The following ESR1 variants were observed in gnomAD, a reference collection of about 807,000 sequenced individuals.
The protein encoded by ESR1 is estrogen receptor.
Under a neutral mutation model 52.7 loss-of-function variants are expected in ESR1, and 12 were observed. The observed-to-expected ratio is 0.23, with a 90% confidence interval of 0.15 to 0.37. The LOEUF (loss-of-function observed/expected upper bound fraction) is 0.37. Among genes scored for constraint, ESR1 ranks in the 10% least tolerant of loss-of-function variants. The pLI, the probability that ESR1 is intolerant of heterozygous loss-of-function variation, is 1.00. For missense variants in ESR1, 584 were observed against 779.7 expected (o/e 0.75, Z 2.99); for synonymous variants, 305 against 316.8 (o/e 0.96, Z 0.39).
intron 2 of ESR1, among the ~76,000 whole-genome samples, chr6:151,792,424 T>A (rs1776256620): frequency 6.6e-6 from 1 of 152,170 alleles, no homozygotes; most frequent in Non-Finnish European, 1.5e-5. Flanking sequence ...TACTGTATTT[T>A]TTTTTTTACT....
chr6:151,775,971 A>G (rs1206526656), intron 2 of ESR1, among the ~76,000 whole-genome samples: 1 of 152,220 alleles, frequency 6.6e-6, no homozygotes, highest in African/African-American at 2.4e-5. Context: ...GGTTGTGGTC[A>G]GGAAGTCAGT....
chr6:152,095,391 C>T (rs1347536219), intron 7 of ESR1, among the ~76,000 whole-genome samples: 3 of 152,160 alleles, frequency 2.0e-5, no homozygotes, highest in African/African-American at 2.4e-5. Flanking sequence ...TGGCGGTCAG[C>T]CCTCCTGACC....
intron 2 of ESR1, among the ~76,000 whole-genome samples, chr6:151,844,424 A>G (rs951557488): frequency 7.2e-5 from 11 of 152,162 alleles, no homozygotes; most frequent in African/African-American, 1.9e-4. Flanking sequence ...GCACAACTGG[A>G]TGGATTGAGC....
intron 5 of ESR1, among the ~76,000 whole-genome samples, chr6:152,033,381 T>C (rs1458682387): frequency 6.6e-6 from 1 of 152,180 alleles, no homozygotes; most frequent in African/African-American, 2.4e-5. Flanking sequence ...AGAAAATCTT[T>C]GCAATCTACT....
intron 6 of ESR1, among the ~76,000 whole-genome samples, chr6:152,066,117 C>CTAGA (rs2047944996): frequency 6.6e-6 from 1 of 152,192 alleles, no homozygotes. Flanking sequence ...TGTGGCACAT[C>CTAGA]TTGCCATGAT....
chr6:151,801,176 G>A (rs1777207451), upstream of ESR1, among the ~76,000 whole-genome samples: 1 of 151,806 alleles, frequency 6.6e-6, no homozygotes. Context: ...AATACTCTAA[G>A]CTGGCAATGA....
intron 2 of ESR1, among the ~76,000 whole-genome samples, chr6:151,874,669 A>G (rs1043424917): frequency 2.0e-5 from 3 of 152,196 alleles, no homozygotes; most frequent in Non-Finnish European, 4.4e-5. Flanking sequence ...AGTCAGTTAC[A>G]TGACAGTTTA....
intron 7 of ESR1, among the ~76,000 whole-genome samples, chr6:152,096,077 G>T (rs1585237170): frequency 6.6e-6 from 1 of 152,338 alleles, no homozygotes; most frequent in East Asian, 1.9e-4. Context: ...TGGGGAGACT[G>T]CTGGGTTATT....
At chr6:151,697,825 G>A (rs1462782917) in intron 1 of ESR1, among the ~76,000 whole-genome samples, 1 of 152,192 alleles carries the variant, frequency 6.6e-6, no homozygotes, top group African/African-American at 2.4e-5. Flanking sequence ...AGGGCTGGGT[G>A]TGGTGGCTTA....
rs1781082928 is a variant in ESR1, at chr6:151,824,242, A to C, written c.452+15878A>C. On this transcript the variant is annotated intron_variant, in intron 1 of 7. Coordinates refer to ENST00000206249, the MANE Select transcript of ESR1 (RefSeq NM_000125.4). ...GGCCAGTGATGATGAGCATTTTTTC[A>C]TGTGTCTGTTGGCTGCATAAATGTC... 2.6e-5 allele frequency among the ~76,000 whole-genome samples: 4 copies of C among 152,124 alleles called. No homozygotes were observed. The South Asian group carries it at 6.2e-4, about 24-fold the overall frequency.
chr6:151,795,715 T>C (rs778457123), intron 2 of ESR1, among the ~76,000 whole-genome samples: 4 of 152,134 alleles, frequency 2.6e-5, no homozygotes, highest in Non-Finnish European at 5.9e-5. Context: ...CATGTGCAAA[T>C]TGACTTATGT....
intron 2 of ESR1, among the ~76,000 whole-genome samples, chr6:151,853,574 CAAAT>C (rs1376890822): frequency 6.6e-6 from 1 of 152,152 alleles, no homozygotes; most frequent in East Asian, 1.9e-4. Flanking sequence ...ATGCCTCTGA[CAAAT>C]AAAATCAGTA....
chr6:151,669,175 A>AG (rs150528321), intron 1 of ESR1, among the ~76,000 whole-genome samples: 76 of 111,694 alleles, frequency 6.8e-4, no homozygotes, highest in East Asian at 2.2e-3. Flanking sequence ...AGAGAGAGAG[A>AG]GAGAGAGAGA....
intron 5 of ESR1, among the ~76,000 whole-genome samples, chr6:152,030,198 A>T (rs1222858062): frequency 6.6e-6 from 1 of 152,248 alleles, no homozygotes; most frequent in East Asian, 1.9e-4. Context: ...TGCAAATTGG[A>T]AAGACCATCG....
At chr6:151,766,601 T>C (rs2128103646) in intron 2 of ESR1, among the ~76,000 whole-genome samples, 1 of 152,348 alleles carries the variant, frequency 6.6e-6, no homozygotes, top group Admixed American at 6.5e-5. Flanking sequence ...ATAATGATTT[T>C]GCTGAGTTTT....
intron 1 of ESR1, among the ~76,000 whole-genome samples, chr6:151,816,969 G>A (rs1025827763): frequency 2.0e-5 from 3 of 152,214 alleles, no homozygotes; most frequent in Non-Finnish European, 2.9e-5. Context: ...ATTGTGGACT[G>A]AAGCAATCCC....
At chr6:151,901,397 C>T (rs1428166793) in intron 3 of ESR1, among the ~76,000 whole-genome samples, 1 of 152,172 alleles carries the variant, frequency 6.6e-6, no homozygotes, top group Non-Finnish European at 1.5e-5. Context: ...GGCTTTCATG[C>T]CTCCCTTCCT....
At chr6:152,076,359 CT>C (rs1242015185) in intron 6 of ESR1, among the ~76,000 whole-genome samples, 1 of 152,234 alleles carries the variant, frequency 6.6e-6, no homozygotes, top group Admixed American at 6.5e-5. Context: ...ATTCTGAACC[CT>C]CCCCAGCCAT....
Position 152,053,841 on chromosome 6 carries a change from C to T in ESR1, c.1236-7150C>T, listed in dbSNP as rs1172203372. 6.6e-6 allele frequency among the ~76,000 whole-genome samples: 1 copy of T among 152,120 alleles called. No individual in the cohort carries two copies. Among genetic ancestry groups the T allele is most frequent in the Non-Finnish European group, 1.5e-5 (1 of 68,018 alleles). Reference sequence around the variant, plus strand: ...AGTAAAAGGTTAAATGTTTACACCCCTTGATTCTGCTATTGTATGTGTAAG... The same window carrying T: ...AGTAAAAGGTTAAATGTTTACACCCTTTGATTCTGCTATTGTATGTGTAAG... On this transcript the variant is annotated intron_variant, in intron 5 of 7. Transcript: ENST00000206249. The surrounding 1 kb of genome is among the most constrained non-coding windows in gnomAD (Gnocchi z 4.1).
Sources: gnomAD v4.1 joint callset for allele counts (sites outside exome capture counted in the v4.1 genomes callset) on GRCh38, gnomAD v4.1.1 for gene constraint, Gnocchi (gnomAD v3.1) non-coding constraint, MANE v1.5 for transcripts, NCBI Gene and HGNC (gene_info 2026-07-23, HGNC 2026-07-21) for gene names.